Variants in WASF3 observed in about 807,000 individuals in gnomAD.
WASF3 encodes actin-binding protein WASF3.
In WASF3, 11 loss-of-function variants were observed where a neutral mutation model predicts 46.6. The observed-to-expected ratio is 0.24, with a 90% CI of 0.15 to 0.39. WASF3 has a LOEUF of 0.39. Ranked by LOEUF, WASF3 falls within the 10% of genes least tolerant of loss-of-function variation. The pLI is 1.00. For missense variants in WASF3, 576 were observed against 669.8 expected (o/e 0.86, Z 1.55); for synonymous variants, 242 against 259.7 (o/e 0.93, Z 0.65).
chr13:26,594,309 C>T lies in WASF3; in HGVS notation c.-108-18652C>T, dbSNP rs1463932149. On this transcript the variant is annotated intron_variant, in intron 1 of 9. Transcript: ENST00000335327. Reference sequence around the variant, plus strand: ...TTTGTTAGATATCTGGTGGTTCCCCCGGTACCTCAAGATCACCATCTCCAA... The same window carrying T: ...TTTGTTAGATATCTGGTGGTTCCCCTGGTACCTCAAGATCACCATCTCCAA... Among the ~76,000 whole-genome samples, 7 of 152,160 alleles carry T rather than the reference C, an allele frequency of 4.6e-5. No individual in the cohort carries two copies. The East Asian group carries it at 7.7e-4, about 17-fold the overall frequency.
chr13:26,621,639 A>C (rs148857219), intron 2 of WASF3, among the ~76,000 whole-genome samples: 342 of 152,256 alleles, frequency 2.2e-3, no homozygotes, highest in African/African-American at 7.1e-3. Context: ...CAAAGAGCAA[A>C]GTGTGAACAT....
At chr13:26,583,790 T>C (rs924322367) in intron 1 of WASF3, among the ~76,000 whole-genome samples, 10 of 152,226 alleles carry the variant, frequency 6.6e-5, no homozygotes. Flanking sequence ...ATCAGGAGGC[T>C]ACCTAAAGCC....
At chr13:26,570,511 CT>C (rs1205199851) in intron 1 of WASF3, among the ~76,000 whole-genome samples, 1 of 151,916 alleles carries the variant, frequency 6.6e-6, no homozygotes, top group Non-Finnish European at 1.5e-5. Context: ...TCTTATTTAC[CT>C]TTTTTTCAAA....
At chr13:26,669,504 T>G (rs1483452458) in intron 5 of WASF3, among the ~76,000 whole-genome samples, 2 of 95,914 alleles carry the variant, frequency 2.1e-5, no homozygotes, top group South Asian at 3.5e-4. Flanking sequence ...ACAAAGTGAC[T>G]GAAAAAAAAA....
chr13:26,662,112 A>G (rs1433097583), intron 3 of WASF3, among the ~76,000 whole-genome samples: 1 of 152,244 alleles, frequency 6.6e-6, no homozygotes. Context: ...AGGTGCGGCC[A>G]GTTAGAAAGG....
intron 3 of WASF3, among the ~76,000 whole-genome samples, chr13:26,651,261 T>C (rs900923393): frequency 3.3e-5 from 5 of 152,134 alleles, no homozygotes; most frequent in East Asian, 1.9e-4. Flanking sequence ...GCAGAAGTTA[T>C]AGTGAGCTGA....
At position 26,682,678 on chromosome 13, in the gene WASF3, T is replaced by G. The variant is rs749649553; in HGVS notation, c.1055T>G (p.Ile352Ser). Residue 352 changes from isoleucine (I) to serine (S), a missense_variant, in exon 9 of 10, where the codon ATT (isoleucine) becomes AGT (serine). By Grantham distance (142) the Ile-to-Ser change is moderately radical (BLOSUM62 -2). Around this residue, in one of 3 missense-constraint regions of WASF3, gnomAD observed 295 missense variants for 291.5 expected, o/e 1.01. Coordinates refer to ENST00000335327, the MANE Select transcript of WASF3 (RefSeq NM_006646.6). This position sits in a 1 kb window ranked among gnomAD's most constrained non-coding sequence, Gnocchi z 4.4. The part of the protein sequence containing the change: ...GPPPPPPPPV[I>S]PSAQTAFVSP... ...CCTCCTCCGCCACCTCCTCCTGTGA[T>G]TCCCTCAGCACAAACTGCCTTCGTC... 6.2e-7 allele frequency: 1 copy of G among 1,614,128 alleles called. No homozygotes were observed. The highest frequency in any genetic ancestry group is 8.5e-7 in the Non-Finnish European group (1 of 1,180,030).
At chr13:26,677,473 C>A (rs146136166) in intron 7 of WASF3, among the ~76,000 whole-genome samples, 1 of 152,188 alleles carries the variant, frequency 6.6e-6, no homozygotes, top group Non-Finnish European at 1.5e-5. Flanking sequence ...AGAATTCTTA[C>A]AATATGTGAT....
At chr13:26,663,716 A>T (rs1882695535) in intron 3 of WASF3, among the ~76,000 whole-genome samples, 2 of 152,200 alleles carry the variant, frequency 1.3e-5, no homozygotes, top group South Asian at 4.1e-4. Context: ...TCTAGGTGTA[A>T]CCATTTAAGC....
intron 1 of WASF3, among the ~76,000 whole-genome samples, chr13:26,598,886 T>A (rs1880557159): frequency 1.3e-5 from 2 of 152,218 alleles, no homozygotes; most frequent in African/African-American, 2.4e-5. Context: ...TTATTTATTT[T>A]TTGAGACGGA....
chr13:26,669,249 T>G (rs1697227), intron 5 of WASF3, among the ~76,000 whole-genome samples: 38,691 of 137,422 alleles, frequency 0.28, 5,851 homozygotes, highest in East Asian at 0.58. Context: ...TCTCGCTCTG[T>G]CGCCCAGGTT....
At chr13:26,561,155 T>G (rs920929669) in intron 1 of WASF3, among the ~76,000 whole-genome samples, 1 of 152,110 alleles carries the variant, frequency 6.6e-6, no homozygotes, top group African/African-American at 2.4e-5. Context: ...GTCTTGTGAT[T>G]ACTGTTGTGT....
intron 5 of WASF3, among the ~76,000 whole-genome samples, chr13:26,670,880 T>C (rs1882908990): frequency 6.6e-6 from 1 of 152,186 alleles, no homozygotes; most frequent in Non-Finnish European, 1.5e-5. Context: ...TATTTGATGG[T>C]AAGACACTTA....
intron 2 of WASF3, among the ~76,000 whole-genome samples, chr13:26,617,106 T>A (rs1430542421): frequency 6.6e-6 from 1 of 152,232 alleles, no homozygotes; most frequent in Non-Finnish European, 1.5e-5. Context: ...TTTTCTTTTT[T>A]AAATATGCAT....
the WASF3 span, among the ~76,000 whole-genome samples, chr13:26,539,191 C>T: frequency 5.3e-5 from 8 of 152,122 alleles, no homozygotes; most frequent in Non-Finnish European, 8.8e-5. Flanking sequence ...GAGTAAATAT[C>T]AAATTGAGCC....
intron 1 of WASF3, among the ~76,000 whole-genome samples, chr13:26,574,705 ATATT>A (rs1879740313): frequency 1.3e-5 from 2 of 152,106 alleles, no homozygotes; most frequent in Admixed American, 1.3e-4. Context: ...GTATTTTGGT[ATATT>A]TACTCTGTTC....
intron 1 of WASF3, among the ~76,000 whole-genome samples, chr13:26,564,806 A>G (rs1452613100): frequency 6.6e-6 from 1 of 151,592 alleles, no homozygotes; most frequent in African/African-American, 2.4e-5. Flanking sequence ...CTTGATCACT[A>G]CTGGGTAGTT....
chr13:26,548,644 T>C, the WASF3 span, among the ~76,000 whole-genome samples: 1 of 152,230 alleles, frequency 6.6e-6, no homozygotes, highest in East Asian at 1.9e-4. Flanking sequence ...TGGCTCCTTG[T>C]GGTCTATGCA....
At chr13:26,573,980 G>A (rs1417221531) in intron 1 of WASF3, among the ~76,000 whole-genome samples, 1 of 152,098 alleles carries the variant, frequency 6.6e-6, no homozygotes, top group Non-Finnish European at 1.5e-5. Flanking sequence ...TATTTTTGCT[G>A]TATAATTTTC....
Sources: gnomAD v4.1 joint callset for allele counts (sites outside exome capture counted in the v4.1 genomes callset) on GRCh38, gnomAD v4.1.1 for gene constraint, gnomAD v4.1.1 regional missense constraint, Gnocchi (gnomAD v3.1) non-coding constraint, MANE v1.5 for transcripts, NCBI Gene and HGNC (gene_info 2026-07-23, HGNC 2026-07-21) for gene names.